Variants in DCUN1D4 observed in about 807,000 individuals in gnomAD.
The protein encoded by DCUN1D4 is defective in cullin neddylation 1 domain containing 4, also known as DCN1-like protein 4.
A neutral mutation model predicts 47.9 loss-of-function variants in DCUN1D4; 22 were observed. The ratio of observed to expected loss-of-function variants is 0.46; its 90% CI spans 0.33 to 0.66. The LOEUF (loss-of-function observed/expected upper bound fraction) is 0.66. DCUN1D4 is among the 30% of genes least tolerant of loss of function. DCUN1D4 has a pLI of 0.02. For synonymous variants in DCUN1D4, 121 were observed against 112.2 expected (o/e 1.08, Z -0.50); for missense variants, 301 against 340.8 (o/e 0.88, Z 0.92).
intron 1 of DCUN1D4, among the ~76,000 whole-genome samples, chr4:51,853,703 T>C (rs536854755): frequency 5.3e-5 from 8 of 152,288 alleles, no homozygotes; most frequent in Non-Finnish European, 1.2e-4. Context: ...GCCCTGGTAT[T>C]TGGTGTTTTT....
chr4:51,860,043 G>GC (rs1383707650), intron 1 of DCUN1D4, among the ~76,000 whole-genome samples: 3 of 152,120 alleles, frequency 2.0e-5, no homozygotes, highest in Non-Finnish European at 4.4e-5. Flanking sequence ...CTTGCCATGA[G>GC]CATTGAACAG....
intron 9 of DCUN1D4, among the ~76,000 whole-genome samples, chr4:51,913,033 G>A (rs997766667): frequency 2.8e-4 from 43 of 152,132 alleles, no homozygotes; most frequent in African/African-American, 9.9e-4. Flanking sequence ...TTTCACTTCT[G>A]GGGATATATA....
intron 6 of DCUN1D4, among the ~76,000 whole-genome samples, chr4:51,890,031 T>A (rs963051644): frequency 3.3e-5 from 5 of 152,184 alleles, no homozygotes; most frequent in African/African-American, 1.2e-4. Flanking sequence ...CTCACTGATA[T>A]TAATTTCCAG....
rs1229246273 is a variant in DCUN1D4 at position 51,911,179 on chromosome 4, C to G, written c.720+5C>G. 1 of 1,604,664 alleles carries G rather than the reference C, an allele frequency of 6.2e-7. No individual in the cohort carries two copies. Among genetic ancestry groups the G allele is most frequent in the East Asian group, 2.2e-5 (1 of 44,698 alleles). On this transcript the variant is annotated splice_donor_5th_base_variant and intron_variant, in intron 9 of 10. Transcript: ENST00000334635. ...GTTTTTCACCAATTCTTAGAGGTACCAAATTGTTGTTTTATGAAATGTATG... is the reference window on the plus strand; with the variant it reads ...GTTTTTCACCAATTCTTAGAGGTACGAAATTGTTGTTTTATGAAATGTATG...
chr4:51,906,395 C>T lies in DCUN1D4; in HGVS notation c.616-4675C>T, dbSNP rs565632226. Among the ~76,000 whole-genome samples, 7 of 152,336 alleles carry T rather than the reference C, an allele frequency of 4.6e-5. No individual in the cohort carries two copies. The South Asian group carries it at 6.2e-4, about 14-fold the overall frequency. ...TTTTGCTAGGTCTTGTGTTCAACAA[C>T]CCGTGTTATCAGAGAAATCCTCTTG... On this transcript the variant is annotated intron_variant, in intron 8 of 10. Coordinates refer to ENST00000334635, the MANE Select transcript of DCUN1D4 (RefSeq NM_001040402.3).
chr4:51,855,253 G>A (rs1723955153), intron 1 of DCUN1D4, among the ~76,000 whole-genome samples: 1 of 151,940 alleles, frequency 6.6e-6, no homozygotes, highest in African/African-American at 2.4e-5. Flanking sequence ...AGGGGTGAAG[G>A]GAGAAATGGG....
chr4:51,885,072 G>GAA (rs1267049032), intron 5 of DCUN1D4: 1 of 152,168 alleles, frequency 6.6e-6, no homozygotes, highest in Non-Finnish European at 1.5e-5. Flanking sequence ...GAAGAGGGAA[G>GAA]AAAGGCACTA....
At chr4:51,843,458 G>T (rs1269478277) in intron 1 of DCUN1D4, 191 bp downstream of exon 1, 3 of 1,218,368 alleles carry the variant, frequency 2.5e-6, no homozygotes, top group Non-Finnish European at 3.2e-6. Flanking sequence ...GGGGGCGGGC[G>T]TGGGGGGAAG....
At position 51,913,622 on chromosome 4, in the gene DCUN1D4, C is replaced by T. The variant is rs1734026754; in HGVS notation, c.*38C>T. ...AGCAGCGAGAGAGTCACTGTTACCA[C>T]AGTTTTGTCACCCATTAGCCATAAA... On this transcript the variant is annotated 3_prime_UTR_variant, in exon 11 of 11. Transcript: ENST00000334635. 1 of 1,584,338 alleles carries T rather than the reference C, an allele frequency of 6.3e-7. No homozygotes were observed. The highest frequency in any genetic ancestry group is 8.7e-7 in the Non-Finnish European group (1 of 1,155,546).
At chr4:51,908,860 A>G (rs1448173260) in intron 8 of DCUN1D4, 6 of 455,602 alleles carry the variant, frequency 1.3e-5, no homozygotes, top group African/African-American at 1.2e-4. Context: ...GTTGGTTATC[A>G]GTGAGATGCC....
chr4:51,834,891 T>G, the DCUN1D4 span, among the ~76,000 whole-genome samples: 10 of 152,212 alleles, frequency 6.6e-5, no homozygotes, highest in African/African-American at 2.4e-4. Context: ...GACCTACTCT[T>G]ACATATGCCA....
At chr4:51,882,366 A>G (rs1452507993) in intron 5 of DCUN1D4, among the ~76,000 whole-genome samples, 1 of 152,206 alleles carries the variant, frequency 6.6e-6, no homozygotes, top group Non-Finnish European at 1.5e-5. Context: ...TGACAGAAAG[A>G]GAAGGCAGTA....
rs142058006 is a variant in DCUN1D4 at position 51,907,255 on chromosome 4, T to C, written c.616-3815T>C. ...AGGAAGTGTCAAGAATTGAGCTTAA[T>C]TGATTGCCTTGCAAACATTGTTGTC... On this transcript the variant is annotated intron_variant, in intron 8 of 10. Coordinates refer to ENST00000334635, the MANE Select transcript of DCUN1D4 (RefSeq NM_001040402.3). Among the ~76,000 whole-genome samples, 895 of 152,320 alleles carry C rather than the reference T, an allele frequency of 5.9e-3. 6 individuals are homozygous for C. Among genetic ancestry groups the C allele is most frequent in the African/African-American group, 0.02 (847 of 41,558 alleles).
chr4:51,873,918 GT>G (rs1417347376), intron 3 of DCUN1D4, among the ~76,000 whole-genome samples: 1 of 152,190 alleles, frequency 6.6e-6, no homozygotes, highest in Admixed American at 6.5e-5. Context: ...CATGAAGTGT[GT>G]ACATGAGATA....
chr4:51,911,289 A>AT (rs1733680879), intron 9 of DCUN1D4, 115 bp downstream of exon 9: 8 of 903,296 alleles, frequency 8.9e-6, no homozygotes, highest in Admixed American at 2.5e-5. Context: ...CTATGTAGGA[A>AT]TTACGGTGAC....
chr4:51,843,095 G>A (rs1406702484), upstream of DCUN1D4: 3 of 1,434,176 alleles, frequency 2.1e-6, no homozygotes, highest in East Asian at 2.9e-5. Flanking sequence ...CTGAGCCGCG[G>A]TTTAGCCAAT....
At chr4:51,885,008 A>G (rs1729236353) in intron 5 of DCUN1D4, 1 of 152,160 alleles carries the variant, frequency 6.6e-6, no homozygotes, top group African/African-American at 2.4e-5. Flanking sequence ...AGCAATATTT[A>G]TTGATTCATT....
intron 1 of DCUN1D4, chr4:51,845,101 C>G: frequency 3.0e-6 from 3 of 985,480 alleles, no homozygotes; most frequent in Non-Finnish European, 3.6e-6. Flanking sequence ...CTTGTACCAT[C>G]ATGCGCACGG....
chr4:51,875,747 A>G (rs976883477), intron 4 of DCUN1D4, among the ~76,000 whole-genome samples: 2 of 152,176 alleles, frequency 1.3e-5, no homozygotes, highest in African/African-American at 4.8e-5. Context: ...TTCACTAAGC[A>G]TGATGTTTTT....
Sources: gnomAD v4.1 joint callset for allele counts (sites outside exome capture counted in the v4.1 genomes callset) on GRCh38, gnomAD v4.1.1 for gene constraint, MANE v1.5 for transcripts, NCBI Gene and HGNC (gene_info 2026-07-23, HGNC 2026-07-21) for gene names.